NR2C2: variants seen among roughly 807,000 people sequenced by gnomAD.
NR2C2 encodes nuclear receptor subfamily 2 group C member 2.
A neutral mutation model predicts 62.9 loss-of-function variants in NR2C2; 6 were observed. That is an observed-to-expected ratio of 0.10 (90% CI 0.05 to 0.19). The LOEUF (loss-of-function observed/expected upper bound fraction) is 0.19, where lower values mean the gene tolerates loss of function less well. Ranked by LOEUF, NR2C2 falls within the 10% of genes least tolerant of loss-of-function variation. NR2C2 has a pLI of 1.00. For missense variants in NR2C2, 479 were observed against 762.7 expected, an observed-to-expected ratio of 0.63 and a Z score of 4.38; for synonymous variants, 272 against 273.8, an observed-to-expected ratio of 0.99 and a Z score of 0.07.
intron 1 of NR2C2, among the ~76,000 whole-genome samples, chr3:14,998,895 G>C (rs1021313950): frequency 2.0e-5 from 3 of 152,160 alleles, no homozygotes; most frequent in African/African-American, 7.2e-5. Context: ...CCAGTTACAT[G>C]GGGGGCTGAG....
At chr3:14,949,378 C>G (rs370076999) in intron 1 of NR2C2, among the ~76,000 whole-genome samples, 2 of 152,214 alleles carry the variant, frequency 1.3e-5, no homozygotes, top group East Asian at 3.8e-4. Flanking sequence ...TGTAACGGCC[C>G]TGGAGGAAGA....
At chr3:14,956,030 T>C (rs889757238) in intron 1 of NR2C2, among the ~76,000 whole-genome samples, 5 of 152,178 alleles carry the variant, frequency 3.3e-5, no homozygotes, top group Non-Finnish European at 2.9e-5. Flanking sequence ...AACTTTCCTA[T>C]GGAGGGTCAC....
intron 7 of NR2C2, among the ~76,000 whole-genome samples, chr3:15,024,652 G>A (rs769140275): frequency 6.6e-6 from 1 of 152,210 alleles, no homozygotes; most frequent in Non-Finnish European, 1.5e-5. Context: ...ATCAGTCATA[G>A]GGATTTAACT....
chr3:15,004,722 G>A, intron 2 of NR2C2: 1 of 1,293,578 alleles, frequency 7.7e-7, no homozygotes, highest in Non-Finnish European at 1.1e-6. Context: ...AATTATAACG[G>A]TTGATTTCTC....
chr3:15,027,716 G>T (rs2041862491), intron 7 of NR2C2, among the ~76,000 whole-genome samples: 1 of 152,042 alleles, frequency 6.6e-6, no homozygotes, highest in South Asian at 2.1e-4. Flanking sequence ...TCCCACCTCA[G>T]CTTCCTAAGT....
chr3:15,034,623 A>G, intron 10 of NR2C2, 47 bp from the exon 11 acceptor site: 2 of 1,593,650 alleles, frequency 1.3e-6, no homozygotes, highest in Non-Finnish European at 1.7e-6. Flanking sequence ...ACAACCTTGG[A>G]GAAATGCCAA....
chr3:15,023,730 AC>A (rs1287263443), intron 6 of NR2C2, among the ~76,000 whole-genome samples: 2 of 152,240 alleles, frequency 1.3e-5, no homozygotes, highest in African/African-American at 4.8e-5. Context: ...TATTGAACTT[AC>A]TTTAAAAGGA....
At chr3:14,971,284 A>G (rs1163012760) in intron 1 of NR2C2, among the ~76,000 whole-genome samples, 3 of 151,208 alleles carry the variant, frequency 2.0e-5, no homozygotes, top group South Asian at 4.2e-4. Flanking sequence ...TGCCCTGCTA[A>G]TTTTTGTATT....
intron 2 of NR2C2, among the ~76,000 whole-genome samples, chr3:15,008,022 G>A (rs1166613749): frequency 6.6e-6 from 1 of 152,102 alleles, no homozygotes; most frequent in Non-Finnish European, 1.5e-5. Context: ...GTGGCAAGGT[G>A]GATAGGGATA....
chr3:15,044,224 C>T lies in NR2C2; in HGVS notation c.*1216C>T, dbSNP rs2042372195. 1 of 152,168 alleles carries T rather than the reference C, an allele frequency of 6.6e-6. No individual in the cohort carries two copies. The highest frequency in any genetic ancestry group is 1.5e-5 in the Non-Finnish European group (1 of 68,046). 9.4% of individuals were successfully genotyped at this position (152,168 alleles called of 1,614,324 possible). A position where few individuals can be genotyped will look rare whatever the true frequency, so the allele number is the denominator to read the frequency against. On this transcript the variant is annotated 3_prime_UTR_variant, in exon 14 of 14. Transcript: ENST00000425241. ...TTCAGGACAATTTCTTCCTGTTGACCTTAAATACCAGAGATTTTAAAAATG... is the reference window on the plus strand; with the variant it reads ...TTCAGGACAATTTCTTCCTGTTGACTTTAAATACCAGAGATTTTAAAAATG...
chr3:15,040,770 C>A (rs1461851794), intron 13 of NR2C2, among the ~76,000 whole-genome samples: 2 of 152,228 alleles, frequency 1.3e-5, no homozygotes, highest in Admixed American at 1.3e-4. Context: ...TCTAGAATAA[C>A]TTCAGCCTCA....
At chr3:15,041,825 G>T (rs1398549305) in intron 13 of NR2C2, among the ~76,000 whole-genome samples, 2 of 152,130 alleles carry the variant, frequency 1.3e-5, no homozygotes, top group African/African-American at 4.8e-5. Context: ...TCACTCCACT[G>T]CAGCCTGGAT....
intron 1 of NR2C2, among the ~76,000 whole-genome samples, chr3:14,972,285 A>G (rs2040067254): frequency 6.9e-6 from 1 of 145,692 alleles, no homozygotes. Flanking sequence ...AGAGATTCCC[A>G]TGTCTCAGCC....
chr3:14,999,028 T>G (rs930050517), intron 1 of NR2C2, among the ~76,000 whole-genome samples: 3 of 151,942 alleles, frequency 2.0e-5, no homozygotes, highest in African/African-American at 7.2e-5. Context: ...AAAAAAATTT[T>G]TTTTAAGGCC....
At chr3:14,993,137 C>CTGA (rs2040715944) in intron 1 of NR2C2, among the ~76,000 whole-genome samples, 2 of 152,072 alleles carry the variant, frequency 1.3e-5, no homozygotes, top group African/African-American at 4.8e-5. Context: ...TATTGCTGTG[C>CTGA]TGATGAGTCT....
At position 15,047,040 on chromosome 3, in the gene NR2C2, G is replaced by A. The variant is rs2042480135; in HGVS notation, c.*4032G>A. On this transcript the variant is annotated 3_prime_UTR_variant, in exon 14 of 14. Coordinates refer to ENST00000425241, the MANE Select transcript of NR2C2 (RefSeq NM_001291694.2). ...TTGTGCGTGTACAGGTTTCTAGGCT[G>A]TAAGACTGAATGAATGTACATGTGT... is the stretch of plus-strand genomic sequence containing the variant. 6.6e-6 allele frequency: 1 copy of A among 152,662 alleles called. No individual in the cohort carries two copies. Among genetic ancestry groups the A allele is most frequent in the South Asian group, 2.1e-4 (1 of 4,824 alleles). The allele number at this position is 152,662 out of a possible 1,614,324, so 9.5% of individuals were successfully genotyped here.
chr3:14,959,935 C>G (rs1574927231), intron 1 of NR2C2, among the ~76,000 whole-genome samples: 1 of 152,134 alleles, frequency 6.6e-6, no homozygotes, highest in Non-Finnish European at 1.5e-5. Context: ...ATAGATTTTC[C>G]CCATATAGAT....
At chr3:14,962,008 G>A (rs959044102) in intron 1 of NR2C2, among the ~76,000 whole-genome samples, 7 of 152,228 alleles carry the variant, frequency 4.6e-5, no homozygotes, top group African/African-American at 2.4e-5. Context: ...GCCATCTAGG[G>A]CTCTATCCAG....
intron 5 of NR2C2, 43 bp from the exon 6 acceptor site, chr3:15,023,157 G>C: frequency 6.2e-7 from 1 of 1,604,162 alleles, no homozygotes; most frequent in African/African-American, 1.3e-5. Context: ...TTTATTGATT[G>C]GAATTGTTTC....
Sources: gnomAD v4.1 joint callset for allele counts (sites outside exome capture counted in the v4.1 genomes callset) on GRCh38, gnomAD v4.1.1 for gene constraint, MANE v1.5 for transcripts, NCBI Gene and HGNC (gene_info 2026-07-23, HGNC 2026-07-21) for gene names.